The following POM121 variants were observed in gnomAD, a reference collection of about 807,000 sequenced individuals.
POM121 encodes the protein POM121 transmembrane nucleoporin, also known as nuclear envelope pore membrane protein POM 121.
In POM121, 32 loss-of-function variants were observed where a neutral mutation model predicts 81.3. The ratio of observed to expected loss-of-function variants is 0.39; its 90% CI spans 0.30 to 0.53. POM121 has a LOEUF of 0.53. Among genes scored for constraint, POM121 ranks in the 20% least tolerant of loss-of-function variants. POM121 has a pLI of 0.66. For synonymous variants in POM121, 514 were observed against 694.2 expected, an observed-to-expected ratio of 0.74 and a Z score of 4.08; for missense variants, 1,138 against 1,614.6, an observed-to-expected ratio of 0.70 and a Z score of 5.06.
At chr7:72,919,617 A>G (rs1794616129) in intron 4 of POM121, among the ~76,000 whole-genome samples, 1 of 151,930 alleles carries the variant, frequency 6.6e-6, no homozygotes, top group Non-Finnish European at 1.5e-5. Flanking sequence ...CAAGTAACTG[A>G]GACTCCAGGC....
At chr7:72,924,226 G>A (rs1312015760), upstream of POM121, among the ~76,000 whole-genome samples, 4 of 148,844 alleles carry the variant, frequency 2.7e-5, no homozygotes, top group Admixed American at 2.0e-4. Flanking sequence ...GATTACAGGC[G>A]TGAGCCACCG....
chr7:72,882,126 A>C (rs1790217920), intron 1 of POM121, among the ~76,000 whole-genome samples: 2 of 152,236 alleles, frequency 1.3e-5, no homozygotes, highest in Admixed American at 6.5e-5. Context: ...CATCTGTATT[A>C]GTCCATTCTC....
chr7:72,931,464 C>G (rs1554498596), intron 5 of POM121, among the ~76,000 whole-genome samples: 1 of 151,776 alleles, frequency 6.6e-6, no homozygotes. Context: ...ATTCCAAATT[C>G]AAATTTATGA....
At chr7:72,949,891 T>C (rs369947025), downstream of POM121, 105 of 1,608,402 alleles carry the variant, frequency 6.5e-5, 1 homozygote, top group Non-Finnish European at 8.4e-5. Flanking sequence ...CTTTATTGCC[T>C]GGGGTGGCAC....
intron 11 of POM121, 61 bp downstream of exon 11, chr7:72,943,583 C>T (rs1554502546): frequency 6.4e-7 from 1 of 1,560,268 alleles, no homozygotes; most frequent in Non-Finnish European, 8.7e-7. Flanking sequence ...GCCTGCGAAG[C>T]CTGTGGTCTC....
Position 72,943,170 on chromosome 7 carries a change from C to G in POM121, c.3177C>G (p.Gly1059=). The change falls in exon 11 of 13, where the codon GGC becomes GGG. Residue 1059 remains glycine, a synonymous_variant. Transcript: ENST00000434423. ...APASSQPAFG[G]STAVFFGAAT... ...CCAGCTCACAGCCCGCCTTTGGCGG[C>G]TCCACTGCTGTCTTCTTCGGTGCAG... The G allele has an allele frequency of 6.2e-7, 1 of 1,613,448 alleles. No individual in the cohort carries two copies. Among genetic ancestry groups the G allele is most frequent in the Non-Finnish European group, 8.5e-7 (1 of 1,179,814 alleles).
intron 3 of POM121, among the ~76,000 whole-genome samples, chr7:72,908,611 C>T (rs1273105334): frequency 5.3e-5 from 8 of 152,120 alleles, no homozygotes; most frequent in Non-Finnish European, 8.8e-5. Flanking sequence ...CTATGGGAAA[C>T]GGGAACTTAT....
At chr7:72,924,045 A>G (rs1795104237), upstream of POM121, among the ~76,000 whole-genome samples, 1 of 149,908 alleles carries the variant, frequency 6.7e-6, no homozygotes, top group East Asian at 2.0e-4. Flanking sequence ...TCCCGAGTTC[A>G]CGCCATTCTC....
chr7:72,888,640 T>C (rs1790974910), intron 1 of POM121, among the ~76,000 whole-genome samples: 1 of 151,834 alleles, frequency 6.6e-6, no homozygotes, highest in Non-Finnish European at 1.5e-5. Context: ...TTAAGTAAAA[T>C]CCTGACTTTC....
At chr7:72,944,616 A>G (rs1464688984) in intron 11 of POM121, among the ~76,000 whole-genome samples, 83 of 151,454 alleles carry the variant, frequency 5.5e-4, no homozygotes, top group African/African-American at 1.7e-3. Flanking sequence ...CCACCCGGCC[A>G]TGGAGACCCC....
intron 1 of POM121, among the ~76,000 whole-genome samples, chr7:72,887,654 C>T (rs1790861067): frequency 6.6e-6 from 1 of 152,030 alleles, no homozygotes; most frequent in South Asian, 2.1e-4. Flanking sequence ...TGGTGAAACC[C>T]CATCTCTACT....
exon 1 of POM121, chr7:72,879,877 C>T (rs1372294443): frequency 1.9e-6 from 1 of 513,610 alleles, no homozygotes; most frequent in East Asian, 5.5e-5. Context: ...GCTGCAGAGC[C>T]CCAGGAGGGT....
At chr7:72,889,311 GGTCCTAGCT>G (rs1167429985) in intron 1 of POM121, among the ~76,000 whole-genome samples, 1 of 152,170 alleles carries the variant, frequency 6.6e-6, no homozygotes, top group Non-Finnish European at 1.5e-5. Context: ...GGATCTACAT[GGTCCTAGCT>G]GTATCACTGG....
chr7:72,929,375 GGA>G (rs1440549319), intron 4 of POM121, among the ~76,000 whole-genome samples: 2 of 152,302 alleles, frequency 1.3e-5, no homozygotes, highest in African/African-American at 4.8e-5. Flanking sequence ...GGTCACTCTA[GGA>G]GAGAGTTGTC....
chr7:72,890,376 C>G (rs1315608814), intron 1 of POM121, among the ~76,000 whole-genome samples: 1 of 152,080 alleles, frequency 6.6e-6, no homozygotes, highest in African/African-American at 2.4e-5. Flanking sequence ...CATGGTGTTT[C>G]ACTCATCTCA....
At chr7:72,938,530 G>T (rs559449358) in intron 5 of POM121, 60 bp from the exon 6 acceptor site, 2 of 1,498,762 alleles carry the variant, frequency 1.3e-6, no homozygotes, top group Non-Finnish European at 1.9e-6. Context: ...AGACTTTGTC[G>T]TGTTGAGGGT....
At chr7:72,929,857 TAAGA>T in intron 4 of POM121, 79 bp from the exon 5 acceptor site, 3 of 1,454,068 alleles carry the variant, frequency 2.1e-6, no homozygotes, top group Non-Finnish European at 2.7e-6. Context: ...TTCATGTTAT[TAAGA>T]AAGATGTCAT....
In POM121 at chr7:72,925,354, C is replaced by G; in HGVS notation, c.233C>G (p.Pro78Arg). The G allele has an allele frequency of 6.6e-7, 1 of 1,523,128 alleles. No individual in the cohort carries two copies. The highest frequency in any genetic ancestry group is 8.8e-7 in the Non-Finnish European group (1 of 1,137,080). 94.4% of individuals were successfully genotyped at this position (1,523,128 alleles called of 1,614,324 possible). ...GLSREPRGSRPLSSFVRKARH... is the reference protein window; with the variant it reads ...GLSREPRGSRRLSSFVRKARH... ...AGCCGCGAGCCCCGAGGTTCGCGCC[C>G]CTTGTCCTCCTTCGTTCGGAAGGCG... The change falls in exon 1 of 13, where the codon CCC becomes CGC. Residue 78 changes from proline (P) to arginine (R), a missense_variant. Physicochemically the swap from Pro to Arg is moderately radical, Grantham distance 103. This residue lies in a region of POM121 where 646 missense variants were observed against 633.5 expected (regional missense o/e 1.02). Coordinates refer to ENST00000434423, the MANE Select transcript of POM121 (RefSeq NM_001387691.1).
chr7:72,890,302 T>G (rs1205720258), intron 1 of POM121, among the ~76,000 whole-genome samples: 4 of 152,052 alleles, frequency 2.6e-5, no homozygotes, highest in Non-Finnish European at 5.9e-5. Context: ...TGACAAGGAG[T>G]AAAATGCTTG....
Sources: gnomAD v4.1 joint callset for allele counts (sites outside exome capture counted in the v4.1 genomes callset) on GRCh38, gnomAD v4.1.1 for gene constraint, gnomAD v4.1.1 regional missense constraint, MANE v1.5 for transcripts, NCBI Gene and HGNC (gene_info 2026-07-23, HGNC 2026-07-21) for gene names.